TASOR2: variants seen among roughly 807,000 people sequenced by gnomAD.
TASOR2 encodes transcription activation suppressor family member 2, also known as protein TASOR 2.
A neutral mutation model predicts 199.5 loss-of-function variants in TASOR2; 84 were observed. That is an observed-to-expected ratio of 0.42 (90% CI 0.35 to 0.50). The LOEUF is 0.50. Among genes scored for constraint, TASOR2 ranks in the 20% least tolerant of loss-of-function variants. The pLI, the probability that TASOR2 is intolerant of heterozygous loss-of-function variation, is 0.02. For synonymous variants in TASOR2, 1,103 were observed against 1,046.6 expected (o/e 1.05, Z -1.04); for missense variants, 2,796 against 2,835.9 (o/e 0.99, Z 0.32).
intron 1 of TASOR2, among the ~76,000 whole-genome samples, chr10:5,700,135 C>G (rs1031390359): frequency 1.3e-5 from 2 of 152,096 alleles, no homozygotes; most frequent in Non-Finnish European, 2.9e-5. Context: ...AATCTACTCT[C>G]TATTTTCATG....
At chr10:5,735,690 T>A in intron 12 of TASOR2, 144 bp downstream of exon 13, 2 of 1,045,208 alleles carry the variant, frequency 1.9e-6, no homozygotes, top group Non-Finnish European at 2.7e-6. Context: ...TTAAAAAAAC[T>A]AAGTAAACTG....
In TASOR2 at chr10:5,720,726, C is replaced by T. The variant is rs1356878169; in HGVS notation, c.27-29C>T. 1.2e-6 allele frequency: 2 copies of T among 1,613,638 alleles called. No individual in the cohort carries two copies. The highest frequency in any genetic ancestry group is 1.7e-6 in the Non-Finnish European group (2 of 1,179,876). On this transcript the variant is annotated intron_variant, in intron 4 of 20. Transcript: ENST00000328090. This position sits in a 1 kb window ranked among gnomAD's most constrained non-coding sequence, Gnocchi z 5.3. ...AATTTGTTCCTTTTACTCTTGTAAA[C>T]ATGTTCTTTTTCTTTCTTTTTCTGC...
intron 1 of TASOR2, among the ~76,000 whole-genome samples, chr10:5,705,208 A>T (rs953004171): frequency 1.3e-5 from 2 of 152,130 alleles, no homozygotes; most frequent in Non-Finnish European, 2.9e-5. Context: ...GCTTTTTATC[A>T]CTATAGATTA....
At position 5,706,674 on chromosome 10, in the gene TASOR2, G is replaced by A. The variant is rs1257082355; in HGVS notation, c.-287-6149G>A. ...TATAAGGAAAGAACTTGACTACACA[G>A]TATGGCTCAGCAATGATTAATACAT... On this transcript the variant is annotated intron_variant, in intron 1 of 20. Coordinates refer to ENST00000328090, the Ensembl canonical transcript of TASOR2. This position sits in a 1 kb window ranked among gnomAD's most constrained non-coding sequence, Gnocchi z 4.8. Among the ~76,000 whole-genome samples, 3 of 152,182 alleles carry A rather than the reference G, an allele frequency of 2.0e-5. No homozygotes were observed. The highest frequency in any genetic ancestry group is 3.8e-4 in the East Asian group (2 of 5,196).
chr10:5,759,030 C>A, intron 18 of TASOR2, 38 bp downstream of exon 19: 2 of 1,472,158 alleles, frequency 1.4e-6, no homozygotes, highest in Non-Finnish European at 9.5e-7. Context: ...TCCTGCCCTG[C>A]TGGGGTAGCA....
chr10:5,756,184 G>A (rs1194367616), intron 15 of TASOR2, among the ~76,000 whole-genome samples: 1 of 152,180 alleles, frequency 6.6e-6, no homozygotes, highest in Non-Finnish European at 1.5e-5. Context: ...ATTCTGAGAC[G>A]TAGACCCAAG....
chr10:5,700,735 A>G (rs1007932916), intron 1 of TASOR2, among the ~76,000 whole-genome samples: 3 of 151,834 alleles, frequency 2.0e-5, no homozygotes, highest in African/African-American at 7.3e-5. Flanking sequence ...TCTTCTTTTG[A>G]AAAATGTTTA....
chr10:5,716,159 T>G (rs1832602750), intron 2 of TASOR2, among the ~76,000 whole-genome samples: 1 of 152,200 alleles, frequency 6.6e-6, no homozygotes, highest in South Asian at 2.1e-4. Context: ...TATTACAAAC[T>G]TACGGGATCA....
At position 5,719,168 on chromosome 10, in the gene TASOR2, G is replaced by C. The variant is rs1166469927; in HGVS notation, c.-99-1376G>C. On this transcript the variant is annotated intron_variant, in intron 3 of 20. Coordinates refer to ENST00000328090, the Ensembl canonical transcript of TASOR2. This position sits in a 1 kb window ranked among gnomAD's most constrained non-coding sequence, Gnocchi z 4.1. ...AACAAAACATCTTCTTTTTTAAAAA[G>C]TAACTATATTCTTCTTATAAAAATT... is the stretch of plus-strand genomic sequence containing the variant. Among the ~76,000 whole-genome samples, 3 of 150,880 alleles carry C rather than the reference G, an allele frequency of 2.0e-5. No homozygotes were observed. Among genetic ancestry groups the C allele is most frequent in the African/African-American group, 4.9e-5 (2 of 40,660 alleles).
Position 5,707,726 on chromosome 10 carries a change from TCACACACACACACA to T in TASOR2, c.-287-5061_-287-5048del, listed in dbSNP as rs5782856. On this transcript the variant is annotated intron_variant, in intron 1 of 20. Transcript: ENST00000328090. ...CATACTCACTCTCCCTCACTCATTT[TCACACACACACACA>T]CACACACACACACACACACACACAC... 9.7e-3 allele frequency among the ~76,000 whole-genome samples: 1,247 copies of T among 129,156 alleles called. 10 individuals are homozygous for T. The highest frequency in any genetic ancestry group is 0.022 in the Middle Eastern group (6 of 272). The allele number at this position is 129,156 out of a possible 152,430, so 84.7% of individuals were successfully genotyped here. A position where few individuals can be genotyped will look rare whatever the true frequency, so the allele number is the denominator to read the frequency against.
At chr10:5,734,385 G>A (rs532077597) in intron 11 of TASOR2, among the ~76,000 whole-genome samples, 2 of 152,008 alleles carry the variant, frequency 1.3e-5, no homozygotes, top group East Asian at 1.9e-4. Context: ...TTCCCAGAGC[G>A]CTTCTAAGAG....
chr10:5,698,442 A>C lies in TASOR2; in HGVS notation c.-288+13267A>C, dbSNP rs562382464. ...AGTTAACCGAACAGTTATATGATTA[A>C]AAATAAAAAAAGAGAGAGAAAAACC... On this transcript the variant is annotated intron_variant, in intron 1 of 20. Transcript: ENST00000328090. This position sits in a 1 kb window ranked among gnomAD's most constrained non-coding sequence, Gnocchi z 4.4. 4.6e-5 allele frequency among the ~76,000 whole-genome samples: 7 copies of C among 152,346 alleles called. No individual in the cohort carries two copies. The South Asian group carries it at 1.4e-3, about 32-fold the overall frequency.
chr10:5,731,040 G>A (rs1372647434), exon 11 of TASOR2: 1 of 1,614,124 alleles, frequency 6.2e-7, no homozygotes, highest in Admixed American at 1.7e-5. Context: ...ATCTGAGAGT[G>A]CAGCCTAAGA....
At chr10:5,753,467 A>G (rs1328669911) in intron 15 of TASOR2, among the ~76,000 whole-genome samples, 3 of 152,098 alleles carry the variant, frequency 2.0e-5, no homozygotes, top group Admixed American at 2.0e-4. Context: ...CATTCACACC[A>G]TTCTCCTGCC....
At chr10:5,691,315 T>A (rs1836403376) in intron 1 of TASOR2, among the ~76,000 whole-genome samples, 1 of 152,206 alleles carries the variant, frequency 6.6e-6, no homozygotes, top group Non-Finnish European at 1.5e-5. Context: ...TCAGCCTGAT[T>A]ACCAAAAATA....
In TASOR2 at chr10:5,701,219, C is replaced by T. The variant is rs1837800997; in HGVS notation, c.-287-11604C>T. 6.6e-6 allele frequency among the ~76,000 whole-genome samples: 1 copy of T among 152,054 alleles called. No homozygotes were observed. Among genetic ancestry groups the T allele is most frequent in the Non-Finnish European group, 1.5e-5 (1 of 67,988 alleles). On this transcript the variant is annotated intron_variant, in intron 1 of 20. Transcript: ENST00000328090. This position sits in a 1 kb window ranked among gnomAD's most constrained non-coding sequence, Gnocchi z 4.9. ...GCATGTAGTTATCCAGTTTTCCCAC[C>T]ACCGTTTATCAAAGAGACTGTCCTT...
Position 5,723,672 on chromosome 10 carries a change from T to G in TASOR2, c.147-5T>G. The G allele has an allele frequency of 6.4e-7, 1 of 1,561,708 alleles. No individual in the cohort carries two copies. Among genetic ancestry groups the G allele is most frequent in the Non-Finnish European group, 8.7e-7 (1 of 1,148,202 alleles). On this transcript the variant is annotated splice_polypyrimidine_tract_variant and splice_region_variant and intron_variant, in intron 6 of 20. Transcript: ENST00000328090. ...TCTGCTTGATACTGTTGTGTTGTTTTTCAGACCGCAGGAACTAGATTTTAA... is the reference window on the plus strand; with the variant it reads ...TCTGCTTGATACTGTTGTGTTGTTTGTCAGACCGCAGGAACTAGATTTTAA...
At chr10:5,749,653 G>A in exon 15 of TASOR2, 1 of 1,614,126 alleles carries the variant, frequency 6.2e-7, no homozygotes, top group Non-Finnish European at 8.5e-7. Context: ...TCATAATAGA[G>A]ATCTTAGAAA....
chr10:5,748,019 A>C lies in TASOR2; in HGVS notation c.4598A>C (p.Lys1533Thr). ...TTAAACCAGCCTGCCTCAGCTGCCA[A>C]ATGCACAGGTGACTTCAGTCCTTCT... The change falls in exon 15 of 21, where the codon AAA becomes ACA. Residue 1533 changes from lysine (K) to threonine (T), a missense_variant. Physicochemically the swap from Lys to Thr is moderately conservative, Grantham distance 78. Around this residue, in one of 3 missense-constraint regions of TASOR2, gnomAD observed 1,941 missense variants for 1,924.9 expected, o/e 1.01. Transcript: ENST00000328090. This position sits in a 1 kb window ranked among gnomAD's most constrained non-coding sequence, Gnocchi z 5.1. The C allele has an allele frequency of 6.2e-7, 1 of 1,612,194 alleles. No homozygotes were observed. The highest frequency in any genetic ancestry group is 8.5e-7 in the Non-Finnish European group (1 of 1,179,902).
Sources: gnomAD v4.1 joint callset for allele counts (sites outside exome capture counted in the v4.1 genomes callset) on GRCh38, gnomAD v4.1.1 for gene constraint, gnomAD v4.1.1 regional missense constraint, Gnocchi (gnomAD v3.1) non-coding constraint, MANE v1.5 for transcripts, NCBI Gene and HGNC (gene_info 2026-07-23, HGNC 2026-07-21) for gene names.